The following TSSC4 variants were observed in gnomAD, a reference collection of about 807,000 sequenced individuals.
The protein encoded by TSSC4 is tumor suppressing subtransferable candidate 4.
For missense variants in TSSC4, 500 were observed against 443.9 expected, an observed-to-expected ratio of 1.13 and a Z score of -1.14; for synonymous variants, 259 against 197.9, an observed-to-expected ratio of 1.31 and a Z score of -2.59.
At position 2,402,662 on chromosome 11, in the gene TSSC4, C is replaced by G. The variant is rs1445324175; in HGVS notation, c.29C>G (p.Ser10Cys). The change falls in exon 3 of 3, where the codon TCC becomes TGC. Residue 10 changes from serine to cysteine, a missense_variant. Physicochemically the swap from Ser to Cys is moderately radical, Grantham distance 112. Coordinates refer to ENST00000333256, the MANE Select transcript of TSSC4 (RefSeq NM_005706.4). ...GCTGAGGCAGGAACAGGTGAGCCGT[C>G]CCCCAGCGTGGAGGGCGAACACGGG... is the stretch of plus-strand genomic sequence containing the variant. Reference protein sequence around the residue: MAEAGTGEPSPSVEGEHGTE... With the variant: MAEAGTGEPCPSVEGEHGTE... 6.9e-6 allele frequency: 11 copies of G among 1,595,018 alleles called. No individual in the cohort carries two copies. The highest frequency in any genetic ancestry group is 9.4e-6 in the Non-Finnish European group (11 of 1,169,832).
chr11:2,403,732 C>A lies in TSSC4; in HGVS notation c.*109C>A, dbSNP rs1850253128. Reference sequence around the variant, plus strand: ...ACTGCCTAGCTGGAATGGGAGGAAGCCTGCAGGTGGCACCGGTGGCCCTGG... The same window carrying A: ...ACTGCCTAGCTGGAATGGGAGGAAGACTGCAGGTGGCACCGGTGGCCCTGG... On this transcript the variant is annotated 3_prime_UTR_variant, in exon 3 of 3. Coordinates refer to ENST00000333256, the MANE Select transcript of TSSC4 (RefSeq NM_005706.4). 2.5e-6 allele frequency: 3 copies of A among 1,209,970 alleles called. No individual in the cohort carries two copies. Among genetic ancestry groups the A allele is most frequent in the Non-Finnish European group, 3.3e-6 (3 of 908,320 alleles). 75.0% of individuals were successfully genotyped at this position (1,209,970 alleles called of 1,614,324 possible). A position where few individuals can be genotyped will look rare whatever the true frequency, so the allele number is the denominator to read the frequency against.
rs758482802 is a variant in TSSC4, at chr11:2,403,197, C to T, written c.564C>T (p.Ser188=). 1 of 1,612,676 alleles carries T rather than the reference C, an allele frequency of 6.2e-7. No homozygotes were observed. Among genetic ancestry groups the T allele is most frequent in the Non-Finnish European group, 8.5e-7 (1 of 1,179,872 alleles). ...NQATALAFLG[S]QSLAAPTDCV... ...CCACCGCCCTGGCCTTCCTGGGCTCCCAGAGCCTGGCTGCCCCCACTGACT... is the reference window on the plus strand; with the variant it reads ...CCACCGCCCTGGCCTTCCTGGGCTCTCAGAGCCTGGCTGCCCCCACTGACT... Residue 188 remains serine, a synonymous_variant, in exon 3 of 3, where the codon TCC becomes TCT. Coordinates refer to ENST00000333256, the MANE Select transcript of TSSC4 (RefSeq NM_005706.4).
rs145539922 is a variant in TSSC4 at position 2,403,219 on chromosome 11, G to T, written c.586G>T (p.Asp196Tyr). ...LGSQSLAAPT[D>Y]CVSSFNQDPS... ...CTCCCAGAGCCTGGCTGCCCCCACT[G>T]ACTGCGTGTCCTCCTTCAACCAGGA... The change falls in exon 3 of 3, where the codon GAC becomes TAC. Residue 196 changes from aspartate (D) to tyrosine (Y), a missense_variant. Physicochemically the swap from Asp to Tyr is radical, Grantham distance 160. Transcript: ENST00000333256. The T allele has an allele frequency of 1.2e-5, 19 of 1,612,726 alleles. No individual in the cohort carries two copies. In the African/African-American group the frequency reaches 2.1e-4, roughly 18 times the overall value.
chr11:2,403,292 G>A lies in TSSC4; in HGVS notation c.659G>A (p.Arg220Gln), dbSNP rs375904217. ...EGRVIFTKPV[R>Q]GVEARHERKR... Reference sequence around the variant, plus strand: ...AGGGTCATCTTCACCAAACCAGTCCGAGGGGTCGAAGCCAGACACGAGAGG... The same window carrying A: ...AGGGTCATCTTCACCAAACCAGTCCAAGGGGTCGAAGCCAGACACGAGAGG... Residue 220 changes from arginine to glutamine, a missense_variant, in exon 3 of 3, where the codon CGA becomes CAA. Physicochemically the swap from Arg to Gln is conservative, Grantham distance 43. Coordinates refer to ENST00000333256, the MANE Select transcript of TSSC4 (RefSeq NM_005706.4). The A allele has an allele frequency of 3.5e-5, 56 of 1,612,240 alleles. No individual in the cohort carries two copies. The highest frequency in any genetic ancestry group is 6.7e-5 in the East Asian group (3 of 44,862).
In TSSC4 at chr11:2,402,815, G is replaced by A. The variant is rs201806866; in HGVS notation, c.182G>A (p.Gly61Asp). Residue 61 changes from glycine (G) to aspartate (D), a missense_variant, in exon 3 of 3, where the codon GGT (glycine) becomes GAT (aspartate). Gly to Asp is a moderately conservative substitution (Grantham distance 94). Transcript: ENST00000333256. ...GGGCTGCCTGGGGAGGAGGATTCAG[G>A]TCCTGATGAGCCGCCCTCACCCCCG... ...PMGLPGEEDS[G>D]PDEPPSPPSG... 1.5e-4 allele frequency: 238 copies of A among 1,590,084 alleles called. No individual in the cohort carries two copies. The highest frequency in any genetic ancestry group is 1.6e-4 in the Middle Eastern group (1 of 6,068).
In TSSC4 at chr11:2,403,704, G is replaced by A. The variant is rs1018310136; in HGVS notation, c.*81G>A. 7 of 1,363,682 alleles carry A rather than the reference G, an allele frequency of 5.1e-6. No homozygotes were observed. Among genetic ancestry groups the A allele is most frequent in the Non-Finnish European group, 6.8e-6 (7 of 1,036,022 alleles). 84.5% of individuals were successfully genotyped at this position (1,363,682 alleles called of 1,614,324 possible). A position where few individuals can be genotyped will look rare whatever the true frequency, so the allele number is the denominator to read the frequency against. On this transcript the variant is annotated 3_prime_UTR_variant, in exon 3 of 3. Transcript: ENST00000333256. ...GTGGGGCTGGTCAGGGGGCAGCCTGGCCACTGCCTAGCTGGAATGGGAGGA... is the reference window on the plus strand; with the variant it reads ...GTGGGGCTGGTCAGGGGGCAGCCTGACCACTGCCTAGCTGGAATGGGAGGA...
Position 2,402,591 on chromosome 11 carries a change from TC to T in TSSC4, c.-23-19del, listed in dbSNP as rs1850181365. On this transcript the variant is annotated intron_variant, in intron 2 of 2. Transcript: ENST00000333256. ...ACTGTTCCTCCTGAGAAACAAATTTTCTGGGCTGTTTTGGTTTAGGTGTGGC... is the reference window on the plus strand; with the variant it reads ...ACTGTTCCTCCTGAGAAACAAATTTTTGGGCTGTTTTGGTTTAGGTGTGGC... The T allele has an allele frequency of 6.5e-7, 1 of 1,531,738 alleles. No homozygotes were observed. Among genetic ancestry groups the T allele is most frequent in the Non-Finnish European group, 8.8e-7 (1 of 1,136,536 alleles). The allele number at this position is 1,531,738 out of a possible 1,614,324, so 94.9% of individuals were successfully genotyped here.
In TSSC4 at chr11:2,403,312, G is replaced by A. The variant is rs750460005; in HGVS notation, c.679G>A (p.Glu227Lys). Residue 227 changes from glutamate (E) to lysine (K), a missense_variant, in exon 3 of 3, where the codon GAG (glutamate) becomes AAG (lysine). Glu to Lys is a moderately conservative substitution (Grantham distance 56). Coordinates refer to ENST00000333256, the MANE Select transcript of TSSC4 (RefSeq NM_005706.4). ...KPVRGVEARH[E>K]RKRVLGKVGE... ...AGTCCGAGGGGTCGAAGCCAGACAC[G>A]AGAGGAAGAGGGTCCTGGGGAAGGT... 4.4e-5 allele frequency: 71 copies of A among 1,612,300 alleles called. No individual in the cohort carries two copies. Among genetic ancestry groups the A allele is most frequent in the Non-Finnish European group, 5.8e-5 (69 of 1,179,554 alleles).
chr11:2,402,366 C>G lies in TSSC4; in HGVS notation c.-108C>G, dbSNP rs1036285050. On this transcript the variant is annotated 5_prime_UTR_variant, in exon 2 of 3. Transcript: ENST00000333256. Reference sequence around the variant, plus strand: ...CGACCACGCCTGTGCCGCTGAGGACCTTCATCAGGGCTCCGTCCACTTGGC... The same window carrying G: ...CGACCACGCCTGTGCCGCTGAGGACGTTCATCAGGGCTCCGTCCACTTGGC... The G allele has an allele frequency of 2.4e-5, 12 of 503,464 alleles. No homozygotes were observed. Among genetic ancestry groups the G allele is most frequent in the Admixed American group, 3.6e-5 (1 of 27,704 alleles). The allele number at this position is 503,464 out of a possible 1,614,324, so 31.2% of individuals were successfully genotyped here.
Position 2,402,660 on chromosome 11 carries a change from G to A in TSSC4, c.27G>A (p.Pro9=), listed in dbSNP as rs781542488. Residue 9 remains proline, a synonymous_variant, in exon 3 of 3, where the codon CCG becomes CCA. Coordinates refer to ENST00000333256, the MANE Select transcript of TSSC4 (RefSeq NM_005706.4). ...TGGCTGAGGCAGGAACAGGTGAGCC[G>A]TCCCCCAGCGTGGAGGGCGAACACG... The part of the protein sequence containing the change: MAEAGTGE[P]SPSVEGEHGT... 1.2e-5 allele frequency: 19 copies of A among 1,593,820 alleles called. No homozygotes were observed. The highest frequency in any genetic ancestry group is 4.5e-5 in the South Asian group (4 of 88,692).
Position 2,403,258 on chromosome 11 carries a change from G to A in TSSC4, c.625G>A (p.Gly209Arg), listed in dbSNP as rs780100531. The A allele has an allele frequency of 4.3e-6, 7 of 1,612,444 alleles. No individual in the cohort carries two copies. In the African/African-American group the frequency reaches 9.3e-5, roughly 22 times the overall value. ...CTTCAACCAGGATCCCTCCAGCTGT[G>A]GGGAGGGGAGGGTCATCTTCACCAA... The part of the protein sequence containing the change: ...SSFNQDPSSC[G>R]EGRVIFTKPV... Residue 209 changes from glycine (G) to arginine (R), a missense_variant, in exon 3 of 3, where the codon GGG becomes AGG. Coordinates refer to ENST00000333256, the MANE Select transcript of TSSC4 (RefSeq NM_005706.4).
rs774159461 is a variant in TSSC4 at position 2,403,273 on chromosome 11, A to G, written c.640A>G (p.Ile214Val). Residue 214 changes from isoleucine (I) to valine (V), a missense_variant, in exon 3 of 3, where the codon ATC (isoleucine) becomes GTC (valine). By Grantham distance (29) the Ile-to-Val change is conservative. Coordinates refer to ENST00000333256, the MANE Select transcript of TSSC4 (RefSeq NM_005706.4). The part of the protein sequence containing the change: ...DPSSCGEGRV[I>V]FTKPVRGVEA... ...CTCCAGCTGTGGGGAGGGGAGGGTCATCTTCACCAAACCAGTCCGAGGGGT... is the reference window on the plus strand; with the variant it reads ...CTCCAGCTGTGGGGAGGGGAGGGTCGTCTTCACCAAACCAGTCCGAGGGGT... The G allele has an allele frequency of 1.2e-6, 2 of 1,612,480 alleles. No individual in the cohort carries two copies. Among genetic ancestry groups the G allele is most frequent in the Non-Finnish European group, 1.7e-6 (2 of 1,179,562 alleles).
Position 2,403,224 on chromosome 11 carries a change from C to A in TSSC4, c.591C>A (p.Cys197Ter), listed in dbSNP as rs1414550546. ...GSQSLAAPTD[C>*]VSSFNQDPSS... ...AGAGCCTGGCTGCCCCCACTGACTG[C>A]GTGTCCTCCTTCAACCAGGATCCCT... Residue 197 changes from cysteine (C) to a stop codon, truncating the protein, a stop_gained, in exon 3 of 3, where the codon TGC becomes TGA. Coordinates refer to ENST00000333256, the MANE Select transcript of TSSC4 (RefSeq NM_005706.4). LOFTEE classifies it low-confidence loss of function (END_TRUNC). 1 of 1,612,736 alleles carries A rather than the reference C, an allele frequency of 6.2e-7. No individual in the cohort carries two copies. Among genetic ancestry groups the A allele is most frequent in the Non-Finnish European group, 8.5e-7 (1 of 1,179,948 alleles).
chr11:2,403,070 C>T lies in TSSC4; in HGVS notation c.437C>T (p.Ser146Leu). The T allele has an allele frequency of 1.2e-6, 2 of 1,610,794 alleles. No homozygotes were observed. The highest frequency in any genetic ancestry group is 1.7e-6 in the Non-Finnish European group (2 of 1,179,194). The change falls in exon 3 of 3, where the codon TCA (serine) becomes TTA (leucine). Residue 146 changes from serine to leucine, a missense_variant. Ser to Leu is a moderately radical substitution (Grantham distance 145). Coordinates refer to ENST00000333256, the MANE Select transcript of TSSC4 (RefSeq NM_005706.4). The stretch of plus-strand genomic sequence containing the variant: ...GGCAGGGCCCATCGGAGCCCTGCCT[C>T]ACCAAGGGTGCCTCCGGTCCCCGAC... ...GLGRAHRSPA[S>L]PRVPPVPDYV...
rs747715227 is a variant in TSSC4 at position 2,402,643 on chromosome 11, GCAGGAA to G, written c.15_20del (p.Thr6_Gly7del). The G allele has an allele frequency of 7.5e-6, 12 of 1,593,512 alleles. No homozygotes were observed. The South Asian group carries it at 1.2e-4, about 16-fold the overall frequency. ...GTGGCCCTGGGGACGCATGGCTGAG[GCAGGAA>G]CAGGTGAGCCGTCCCCCAGCGTGGA... On this transcript the variant is annotated inframe_deletion, in exon 3 of 3. Coordinates refer to ENST00000333256, the MANE Select transcript of TSSC4 (RefSeq NM_005706.4).
rs765137626 is a variant in TSSC4, at chr11:2,403,484, T to C, written c.851T>C (p.Leu284Pro). The change falls in exon 3 of 3, where the codon CTG (leucine) becomes CCG (proline). Residue 284 changes from leucine to proline, a missense_variant. Leu to Pro is a moderately conservative substitution (Grantham distance 98). Coordinates refer to ENST00000333256, the MANE Select transcript of TSSC4 (RefSeq NM_005706.4). ...GGAGGCCTGCAGGAGGTGGAGGCAC[T>C]GTCAGGGTCTGTCCACAGTGGGTCT... Reference protein sequence around the residue: ...HHGGLQEVEALSGSVHSGSVP... With the variant: ...HHGGLQEVEAPSGSVHSGSVP... 2 of 1,600,284 alleles carry C rather than the reference T, an allele frequency of 1.2e-6. No homozygotes were observed. Among genetic ancestry groups the C allele is most frequent in the South Asian group, 1.1e-5 (1 of 89,630 alleles).
At position 2,403,541 on chromosome 11, in the gene TSSC4, G is replaced by C; in HGVS notation, c.908G>C (p.Gly303Ala). The C allele has an allele frequency of 6.3e-7, 1 of 1,589,394 alleles. No homozygotes were observed. The highest frequency in any genetic ancestry group is 8.6e-7 in the Non-Finnish European group (1 of 1,169,208). ...GGTCTCCCGCCGGTGGAAACTGTTG[G>C]CTTCCATGGCAGCAGGAAGCGGAGT... ...VPGLPPVETV[G>A]FHGSRKRSRD... Residue 303 changes from glycine (G) to alanine (A), a missense_variant, in exon 3 of 3, where the codon GGC becomes GCC. Gly to Ala is a moderately conservative substitution (Grantham distance 60). Coordinates refer to ENST00000333256, the MANE Select transcript of TSSC4 (RefSeq NM_005706.4).
In TSSC4 at chr11:2,403,457, A is replaced by G; in HGVS notation, c.824A>G (p.His275Arg). Residue 275 changes from histidine (H) to arginine (R), a missense_variant, in exon 3 of 3, where the codon CAT becomes CGT. Physicochemically the swap from His to Arg is conservative, Grantham distance 29 (BLOSUM62 0). Coordinates refer to ENST00000333256, the MANE Select transcript of TSSC4 (RefSeq NM_005706.4). ...GAGGCTGAGGAGTGGGGCAGCCACC[A>G]TGGAGGCCTGCAGGAGGTGGAGGCA... ...SPEAEEWGSH[H>R]GGLQEVEALS... is the part of the protein sequence containing the mutation. 4 of 1,596,388 alleles carry G rather than the reference A, an allele frequency of 2.5e-6. No homozygotes were observed. The South Asian group carries it at 3.4e-5, about 13-fold the overall frequency.
chr11:2,402,152 C>T (rs182821675), intron 1 of TSSC4, 142 bp from the exon 2 acceptor site: 44 of 156,192 alleles, frequency 2.8e-4, no homozygotes, highest in Admixed American at 2.1e-3. Flanking sequence ...AATGAGGTAA[C>T]GAGTCAAAAG....
Sources: gnomAD v4.1 joint callset for allele counts on GRCh38, gnomAD v4.1.1 for gene constraint, MANE v1.5 for transcripts, NCBI Gene and HGNC (gene_info 2026-07-23, HGNC 2026-07-21) for gene names.